Variants in FRA10AC1 observed in about 807,000 individuals in gnomAD.
FRA10AC1 encodes FRA10A associated CGG repeat 1, also known as protein FRA10AC1.
In FRA10AC1, 43 loss-of-function variants were observed where a neutral mutation model predicts 56.5. The ratio of observed to expected loss-of-function variants is 0.76; its 90% CI spans 0.60 to 0.98. FRA10AC1 has a LOEUF of 0.98. FRA10AC1 is among the 50% of genes least tolerant of loss of function. FRA10AC1 has a pLI of 0.00. For synonymous variants in FRA10AC1, 112 were observed against 110.5 expected (o/e 1.01, Z -0.09); for missense variants, 346 against 351.8 (o/e 0.98, Z 0.13).
At chr10:93,680,732 A>C (rs1342313405) in intron 11 of FRA10AC1, among the ~76,000 whole-genome samples, 8 of 152,226 alleles carry the variant, frequency 5.3e-5, no homozygotes, top group African/African-American at 7.2e-5. Flanking sequence ...TAAAAAAAGC[A>C]ACTAGAAGTA....
intron 12 of FRA10AC1, among the ~76,000 whole-genome samples, chr10:93,675,934 T>C (rs1022383747): frequency 5.3e-5 from 8 of 152,184 alleles, no homozygotes; most frequent in African/African-American, 1.9e-4. Context: ...TATAAACCCA[T>C]AGAAGACTCT....
In FRA10AC1 at chr10:93,698,308, G is replaced by C; in HGVS notation, c.166C>G (p.Leu56Val). ...VAHKQVAAEL[L>V]DREEARNRRF... ...GACACTGAAATACCATACCTATCCA[G>C]CAATTCTGCTGCAACTTGTTTATGG... is the stretch of plus-strand genomic sequence containing the variant. Residue 56 changes from leucine to valine, a missense_variant, in exon 3 of 14, where the codon CTG becomes GTG. Transcript: ENST00000359204. 3 of 1,607,112 alleles carry C rather than the reference G, an allele frequency of 1.9e-6. No homozygotes were observed. The highest frequency in any genetic ancestry group is 2.6e-6 in the Non-Finnish European group (3 of 1,174,856).
rs1440646764 is a variant in FRA10AC1 at position 93,700,091 on chromosome 10, C to T, written c.16G>A (p.Gly6Ser). The T allele has an allele frequency of 1.1e-5, 17 of 1,598,154 alleles. No homozygotes were observed. Among genetic ancestry groups the T allele is most frequent in the Non-Finnish European group, 1.4e-5 (16 of 1,167,378 alleles). MHGHG[G>S]YDSDFSDDER... ...TCATCACTAAAATCAGAATCATAGCCTCCATGACCATGCATCTGTAAAGGA... is the reference window on the plus strand; with the variant it reads ...TCATCACTAAAATCAGAATCATAGCTTCCATGACCATGCATCTGTAAAGGA... The change falls in exon 2 of 14, where the codon GGC becomes AGC. Residue 6 changes from glycine (G) to serine (S), a missense_variant. Gly to Ser is a moderately conservative substitution (Grantham distance 56). Coordinates refer to ENST00000359204, the MANE Select transcript of FRA10AC1 (RefSeq NM_145246.5).
chr10:93,688,275 A>T (rs942256677), intron 7 of FRA10AC1, among the ~76,000 whole-genome samples: 2 of 152,150 alleles, frequency 1.3e-5, no homozygotes, highest in South Asian at 2.1e-4. Context: ...CATATATATG[A>T]TTTCAACTGT....
intron 1 of FRA10AC1, 111 bp from the exon 2 acceptor site, chr10:93,700,217 T>C (rs1456728264): frequency 1.1e-5 from 7 of 638,666 alleles, no homozygotes; most frequent in Non-Finnish European, 1.9e-5. Context: ...TAAAGGATCA[T>C]TGTGGGCAGA....
In FRA10AC1 at chr10:93,693,343, G is replaced by GA. The variant is rs111472468; in HGVS notation, c.297-615dup. 6.9e-4 allele frequency among the ~76,000 whole-genome samples: 98 copies of GA among 142,732 alleles called. No homozygotes were observed. The East Asian group carries it at 0.011, about 16-fold the overall frequency. The allele number at this position is 142,732 out of a possible 152,430, so 93.6% of individuals were successfully genotyped here. A position where few individuals can be genotyped will look rare whatever the true frequency, so the allele number is the denominator to read the frequency against. ...TACCAACTCAGAAAATTGTTAGAGG[G>GA]AAAAAAAAAACCTCACATAAAACTA... On this transcript the variant is annotated intron_variant, in intron 5 of 13. Transcript: ENST00000359204.
intron 11 of FRA10AC1, among the ~76,000 whole-genome samples, chr10:93,680,452 G>T (rs937123882): frequency 7.9e-5 from 12 of 152,116 alleles, no homozygotes; most frequent in Non-Finnish European, 1.8e-4. Context: ...AAAGGTTGGT[G>T]ACACCATATA....
At chr10:93,688,615 T>C (rs1301767034) in intron 7 of FRA10AC1, among the ~76,000 whole-genome samples, 1 of 152,092 alleles carries the variant, frequency 6.6e-6, no homozygotes, top group African/African-American at 2.4e-5. Flanking sequence ...AGGGGGTATA[T>C]GGGAATTCTG....
chr10:93,676,523 T>C (rs1253110466), intron 12 of FRA10AC1, 130 bp downstream of exon 12: 2 of 1,342,944 alleles, frequency 1.5e-6, no homozygotes, highest in East Asian at 6.2e-5. Context: ...TTCTACAGTT[T>C]TTCTCATGTA....
Position 93,681,584 on chromosome 10 carries a change from T to G in FRA10AC1, c.683A>C (p.Lys228Thr). 1 of 1,531,498 alleles carries G rather than the reference T, an allele frequency of 6.5e-7. No individual in the cohort carries two copies. Among genetic ancestry groups the G allele is most frequent in the South Asian group, 1.2e-5 (1 of 80,798 alleles). The allele number at this position is 1,531,498 out of a possible 1,614,324, so 94.9% of individuals were successfully genotyped here. ...GGTTTTATCTTTTCTTTTTTTTGACTTGATTTCTTTTCTCCTTTGTGTTAA... is the reference window on the plus strand; with the variant it reads ...GGTTTTATCTTTTCTTTTTTTTGACGTGATTTCTTTTCTCCTTTGTGTTAA... ...LNFHHRRKEI[K>T]SKKRKDKTKK... The change falls in exon 11 of 14, where the codon AAG (lysine) becomes ACG (threonine). Residue 228 changes from lysine to threonine, a missense_variant. Transcript: ENST00000359204.
At chr10:93,680,483 C>A (rs11187582) in intron 11 of FRA10AC1, among the ~76,000 whole-genome samples, 14,455 of 152,128 alleles carry the variant, frequency 0.095, 795 homozygotes, top group Middle Eastern at 0.13. Context: ...TGGGAGTAGA[C>A]AGTATCACAA....
chr10:93,698,496 C>G (rs2059273118), intron 2 of FRA10AC1, 100 bp from the exon 3 acceptor site: 1 of 649,402 alleles, frequency 1.5e-6, no homozygotes, highest in East Asian at 2.8e-5. Context: ...GAATGTAAGT[C>G]TTAACTTTAA....
At position 93,700,126 on chromosome 10, in the gene FRA10AC1, C is replaced by T; in HGVS notation, c.1-20G>A. 1.4e-6 allele frequency: 2 copies of T among 1,435,754 alleles called. No individual in the cohort carries two copies. The highest frequency in any genetic ancestry group is 1.2e-5 in the South Asian group (1 of 82,544). The allele number at this position is 1,435,754 out of a possible 1,614,324, so 88.9% of individuals were successfully genotyped here. On this transcript the variant is annotated intron_variant, in intron 1 of 13. Transcript: ENST00000359204. ...ATGCATCTGTAAAGGAGTACAAAGT[C>T]AGCTATTTAGAATCTATGTTGCCAA...
upstream of FRA10AC1, among the ~76,000 whole-genome samples, chr10:93,702,739 T>G (rs1306149471): frequency 6.6e-6 from 1 of 151,888 alleles, no homozygotes; most frequent in Non-Finnish European, 1.5e-5. Flanking sequence ...TTTCGCCAAG[T>G]CGCGGCTCCC....
intron 1 of FRA10AC1, among the ~76,000 whole-genome samples, chr10:93,700,322 T>A (rs1309480550): frequency 1.3e-5 from 2 of 152,216 alleles, no homozygotes; most frequent in African/African-American, 4.8e-5. Context: ...TTTTCACCCT[T>A]AATTATCATT....
At position 93,685,189 on chromosome 10, in the gene FRA10AC1, TTTAAA is replaced by T; in HGVS notation, c.625+52_625+56del. On this transcript the variant is annotated intron_variant, in intron 9 of 13. Coordinates refer to ENST00000359204, the MANE Select transcript of FRA10AC1 (RefSeq NM_145246.5). ...ATTTGAATTTTAAAGTCTATATATT[TTTAAA>T]TTAAAGACAAACTTGGAAGAATCAA... The T allele has an allele frequency of 4.9e-6, 4 of 809,188 alleles. No individual in the cohort carries two copies. In the South Asian group the frequency reaches 6.2e-5, roughly 13 times the overall value. 50.1% of individuals were successfully genotyped at this position (809,188 alleles called of 1,614,324 possible).
chr10:93,680,256 CAT>C (rs1240933094), intron 11 of FRA10AC1, among the ~76,000 whole-genome samples: 1 of 152,054 alleles, frequency 6.6e-6, no homozygotes, highest in African/African-American at 2.4e-5. Flanking sequence ...GTTTTACTAG[CAT>C]ATAAGGATAA....
intron 4 of FRA10AC1, 90 bp downstream of exon 4, chr10:93,698,046 C>A: frequency 1.4e-6 from 1 of 700,570 alleles, no homozygotes; most frequent in Non-Finnish European, 2.3e-6. Context: ...ATAAAAAAGC[C>A]TATTTGACTT....
At chr10:93,679,536 T>C (rs989015949) in intron 11 of FRA10AC1, among the ~76,000 whole-genome samples, 2 of 152,188 alleles carry the variant, frequency 1.3e-5, no homozygotes, top group East Asian at 1.9e-4. Context: ...ACAGCATCCA[T>C]GTAACCCCTA....
Sources: gnomAD v4.1 joint callset for allele counts (sites outside exome capture counted in the v4.1 genomes callset) on GRCh38, gnomAD v4.1.1 for gene constraint, MANE v1.5 for transcripts, NCBI Gene and HGNC (gene_info 2026-07-23, HGNC 2026-07-21) for gene names.